Variants in ARAP1 observed in about 807,000 individuals in gnomAD.
ARAP1 encodes ArfGAP with RhoGAP domain, ankyrin repeat and PH domain 1.
Under a neutral mutation model 172.2 loss-of-function variants are expected in ARAP1, and 76 were observed. The ratio of observed to expected loss-of-function variants is 0.44; its 90% CI spans 0.37 to 0.53. The LOEUF (loss-of-function observed/expected upper bound fraction) is 0.53. ARAP1 is among the 20% of genes least tolerant of loss of function. ARAP1 has a pLI of 0.00. For synonymous variants in ARAP1, 804 were observed against 803.3 expected (o/e 1.00, Z -0.01); for missense variants, 1,686 against 1,977.5 (o/e 0.85, Z 2.80).
chr11:72,751,536 T>TCTGGGACC (rs1858530802), intron 1 of ARAP1, among the ~76,000 whole-genome samples: 2 of 152,010 alleles, frequency 1.3e-5, no homozygotes, highest in East Asian at 3.9e-4. Flanking sequence ...AGTGCCTCAG[T>TCTGGGACC]CTGGGACCCT....
chr11:72,692,621 C>T, intron 30 of ARAP1, 132 bp downstream of exon 30: 3 of 1,226,224 alleles, frequency 2.4e-6, no homozygotes, highest in Non-Finnish European at 3.5e-6. Flanking sequence ...GGGGCCAGTG[C>T]CAACGGGCAA....
At chr11:72,687,396 C>A in intron 33 of ARAP1, 43 bp downstream of exon 33, 1 of 1,611,674 alleles carries the variant, frequency 6.2e-7, no homozygotes, top group South Asian at 1.1e-5. Flanking sequence ...ATAATGGAAG[C>A]CTCCAGGGAC....
rs575726644 is a variant in ARAP1, at chr11:72,705,865, G to A, written c.1749C>T (p.Gly583=). ...CAGEHRGLGA[G]VSKVRSLKMD... ...TCTTCAGGCTCCGCACCTTGGAGAC[G>A]CCAGCGCCCAGGCCACGGTGCTCCC... Residue 583 remains glycine, a synonymous_variant, in exon 13 of 35, where the codon GGC becomes GGT. Coordinates refer to ENST00000393609, the MANE Select transcript of ARAP1 (RefSeq NM_001040118.3). 51 of 1,614,106 alleles carry A rather than the reference G, an allele frequency of 3.2e-5. No individual in the cohort carries two copies. The East Asian group carries it at 6.5e-4, about 20-fold the overall frequency.
intron 1 of ARAP1, among the ~76,000 whole-genome samples, chr11:72,733,860 G>A (rs796896196): frequency 1.1e-4 from 17 of 152,238 alleles, no homozygotes; most frequent in African/African-American, 3.4e-4. Context: ...GTCTAACTCC[G>A]TTGCCCCAGC....
chr11:72,687,822 C>G, intron 31 of ARAP1, 84 bp from the exon 32 acceptor site: 1 of 1,515,024 alleles, frequency 6.6e-7, no homozygotes, highest in Non-Finnish European at 9.2e-7. Context: ...AGCCCAGAAG[C>G]CACAGCCAGA....
chr11:72,697,474 T>C lies in ARAP1; in HGVS notation c.2802A>G (p.Ile934Met), dbSNP rs1856261565. The C allele has an allele frequency of 3.7e-6, 6 of 1,613,570 alleles. No homozygotes were observed. The East Asian group carries it at 1.3e-4, about 36-fold the overall frequency. ...VLVERRRTLY[I>M]QGERRLDFMG... ...TGAAGTCCAGCCGCCGCTCGCCCTG[T>C]ATGTACAGTGTCCTGGGCCAGGGAC... Residue 934 changes from isoleucine to methionine, a missense_variant, in exon 21 of 35, where the codon ATA (isoleucine) becomes ATG (methionine). By Grantham distance (10) the Ile-to-Met change is conservative (BLOSUM62 1). Around this residue, in one of 5 missense-constraint regions of ARAP1, gnomAD observed 274 missense variants for 262.7 expected, o/e 1.04. Coordinates refer to ENST00000393609, the MANE Select transcript of ARAP1 (RefSeq NM_001040118.3).
At chr11:72,704,613 G>T in intron 13 of ARAP1, 4 of 404,436 alleles carry the variant, frequency 9.9e-6, no homozygotes, top group Non-Finnish European at 1.8e-5. Flanking sequence ...GGTCCCAGGG[G>T]CCTTGCTGCT....
intron 7 of ARAP1, among the ~76,000 whole-genome samples, chr11:72,711,897 A>G (rs72964157): frequency 0.08 from 12,238 of 152,052 alleles, 638 homozygotes; most frequent in South Asian, 0.15. Context: ...AGGTCTCGCC[A>G]TGTTGCCCAG....
At chr11:72,719,142 C>T (rs1857405897) in intron 3 of ARAP1, among the ~76,000 whole-genome samples, 1 of 152,182 alleles carries the variant, frequency 6.6e-6, no homozygotes, top group African/African-American at 2.4e-5. Flanking sequence ...GCCGAGCAAA[C>T]AAGGCCATGC....
intron 1 of ARAP1, among the ~76,000 whole-genome samples, chr11:72,744,376 A>G (rs1280685836): frequency 6.6e-6 from 1 of 152,110 alleles, no homozygotes; most frequent in Non-Finnish European, 1.5e-5. Flanking sequence ...TGTGGCCAGA[A>G]CCCAGCCTCC....
chr11:72,745,153 C>T (rs2135593918), intron 1 of ARAP1, among the ~76,000 whole-genome samples: 1 of 150,068 alleles, frequency 6.7e-6, no homozygotes, highest in East Asian at 2.0e-4. Context: ...ATTTAAGCTG[C>T]AAACCCACAC....
At chr11:72,691,629 T>C (rs2135492317) in intron 30 of ARAP1, among the ~76,000 whole-genome samples, 1 of 152,298 alleles carries the variant, frequency 6.6e-6, no homozygotes, top group South Asian at 2.1e-4. Flanking sequence ...CTATCTGCTC[T>C]GCTCCTGCCA....
chr11:72,710,609 G>GT lies in ARAP1; in HGVS notation c.1214-23dup. The GT allele has an allele frequency of 6.3e-7, 1 of 1,587,410 alleles. No individual in the cohort carries two copies. Among genetic ancestry groups the GT allele is most frequent in the South Asian group, 1.1e-5 (1 of 90,100 alleles). On this transcript the variant is annotated intron_variant, in intron 9 of 34. Transcript: ENST00000393609. The surrounding 1 kb of genome is among the most constrained non-coding windows in gnomAD (Gnocchi z 4.3). ...TCCACTGCAGGAGAAGGGTAGAGGA[G>GT]TAAGCCCAAGGTTGCAGGGAGCCCC... is the stretch of plus-strand genomic sequence containing the variant.
In ARAP1 at chr11:72,709,965, C is replaced by T; in HGVS notation, c.1428G>A (p.Leu476=). 6.2e-7 allele frequency: 1 copy of T among 1,613,742 alleles called. No homozygotes were observed. The highest frequency in any genetic ancestry group is 8.5e-7 in the Non-Finnish European group (1 of 1,179,926). ...TGTCGATGAAGGTGATGCCAATGCCCAGGTGGTACTCCTGGAGGGCAGATG... is the reference window on the plus strand; with the variant it reads ...TGTCGATGAAGGTGATGCCAATGCCTAGGTGGTACTCCTGGAGGGCAGATG... ...QLYKNLEEYH[L]GIGITFIDMS... is the part of the protein sequence containing the mutation. The change falls in exon 11 of 35, where the codon CTG becomes CTA. Residue 476 remains leucine, a synonymous_variant. Coordinates refer to ENST00000393609, the MANE Select transcript of ARAP1 (RefSeq NM_001040118.3).
Position 72,750,908 on chromosome 11 carries a change from AC to A in ARAP1, c.-128+1419del, listed in dbSNP as rs1386639393. On this transcript the variant is annotated intron_variant, in intron 1 of 34. Transcript: ENST00000393609. ...TCTCTGAAACCTGAAGTCCCAAAGG[AC>A]CTGGGGATTTGAATGGGGAGGAAGC... 2.0e-5 allele frequency among the ~76,000 whole-genome samples: 3 copies of A among 152,300 alleles called. No individual in the cohort carries two copies. In the South Asian group the frequency reaches 6.2e-4, roughly 32 times the overall value.
rs561478230 is a variant in ARAP1 at position 72,725,381 on chromosome 11, G to C, written c.509+1239C>G. 6.6e-6 allele frequency among the ~76,000 whole-genome samples: 1 copy of C among 151,904 alleles called. No homozygotes were observed. The highest frequency in any genetic ancestry group is 2.1e-4 in the South Asian group (1 of 4,812). ...GTTGAAATAGAAAACGCTCCTGCAT[G>C]CAGAAGAATGGTCACTAGAGGGCGC... is the stretch of plus-strand genomic sequence containing the variant. On this transcript the variant is annotated intron_variant, in intron 3 of 34. Transcript: ENST00000393609. The surrounding 1 kb of genome is among the most constrained non-coding windows in gnomAD (Gnocchi z 4.3).
At chr11:72,697,886 G>A in intron 19 of ARAP1, 25 bp downstream of exon 19, 1 of 1,541,606 alleles carries the variant, frequency 6.5e-7, no homozygotes, top group East Asian at 2.3e-5. Context: ...CCTGGAGGCT[G>A]GGGGCCCAGG....
At chr11:72,728,732 A>G (rs952726559) in intron 2 of ARAP1, among the ~76,000 whole-genome samples, 1 of 152,380 alleles carries the variant, frequency 6.6e-6, no homozygotes, top group Admixed American at 6.5e-5. Flanking sequence ...ACTTCCTAAG[A>G]GATAAACAAC....
At chr11:72,733,624 C>T (rs1857929689) in intron 1 of ARAP1, among the ~76,000 whole-genome samples, 1 of 152,150 alleles carries the variant, frequency 6.6e-6, no homozygotes, top group Non-Finnish European at 1.5e-5. Context: ...AGGTCTCCCT[C>T]CCCAGGACCT....
Sources: gnomAD v4.1 joint callset for allele counts (sites outside exome capture counted in the v4.1 genomes callset) on GRCh38, gnomAD v4.1.1 for gene constraint, gnomAD v4.1.1 regional missense constraint, Gnocchi (gnomAD v3.1) non-coding constraint, MANE v1.5 for transcripts, NCBI Gene and HGNC (gene_info 2026-07-23, HGNC 2026-07-21) for gene names.